PCDH11X: variants seen among roughly 807,000 people sequenced by gnomAD.
The protein encoded by PCDH11X is protocadherin 11 X-linked, also known as protocadherin-11 X-linked.
A neutral mutation model predicts 53.3 loss-of-function variants in PCDH11X; 18 were observed. That is an observed-to-expected ratio of 0.34 (90% CI 0.23 to 0.50). The LOEUF (loss-of-function observed/expected upper bound fraction) is 0.50, where lower values mean the gene tolerates loss of function less well. Among genes scored for constraint, PCDH11X ranks in the 20% least tolerant of loss-of-function variants. PCDH11X has a pLI of 0.98. For synonymous variants in PCDH11X, 279 were observed against 393.3 expected (o/e 0.71, Z 3.44); for missense variants, 570 against 1,032.4 (o/e 0.55, Z 6.14).
At chrX:91,904,674 T>G (rs1941085192) in intron 6 of PCDH11X, among the ~76,000 whole-genome samples, 1 of 111,557 alleles carries the variant, frequency 9.0e-6, no homozygotes, top group African/African-American at 3.3e-5. Context: ...GCTCATTTTT[T>G]ATTTTATTAA....
intron 1 of PCDH11X, among the ~76,000 whole-genome samples, chrX:91,805,622 C>A (rs1418197025): frequency 9.2e-6 from 1 of 108,999 alleles, no homozygotes; most frequent in East Asian, 2.9e-4. Context: ...TCCAGACCAG[C>A]CTGGGGAACA....
chrX:92,056,073 G>A (rs182244956), intron 6 of PCDH11X, among the ~76,000 whole-genome samples: 1,811 of 110,216 alleles, frequency 0.016, 35 homozygotes, highest in African/African-American at 0.056. Flanking sequence ...TTTCTGTGTC[G>A]AATGGTATTT....
At chrX:92,321,897 C>A (rs2069222800) in intron 8 of PCDH11X, among the ~76,000 whole-genome samples, 1 of 107,832 alleles carries the variant, frequency 9.3e-6, no homozygotes, top group Admixed American at 1.0e-4. Flanking sequence ...ATTAATTTCT[C>A]AACCATTATG....
At chrX:91,807,126 G>C (rs1936135976) in intron 1 of PCDH11X, among the ~76,000 whole-genome samples, 1 of 90,439 alleles carries the variant, frequency 1.1e-5, no homozygotes, top group Non-Finnish European at 2.1e-5. Flanking sequence ...GATGGCTTGA[G>C]AATAGGAGTT....
At chrX:91,885,636 T>C (rs906546233) in intron 6 of PCDH11X, among the ~76,000 whole-genome samples, 1 of 110,974 alleles carries the variant, frequency 9.0e-6, no homozygotes, top group Non-Finnish European at 1.9e-5. Flanking sequence ...ATACCTTGTT[T>C]TTCTTCCATT....
chrX:92,333,539 G>A (rs1293304109), intron 8 of PCDH11X, among the ~76,000 whole-genome samples: 1 of 111,674 alleles, frequency 9.0e-6, no homozygotes, highest in Non-Finnish European at 1.9e-5. Flanking sequence ...AAGCCCATGT[G>A]CAGCAACATA....
rs765833707 is a variant in PCDH11X at position 92,274,677 on chromosome X, G to A, written c.3144+11534G>A. ...CCTGAGGAGTAGTAGAATAGCAGATGGAACACTGAGAAGTTATTTCCTTGA... is the reference window on the plus strand; with the variant it reads ...CCTGAGGAGTAGTAGAATAGCAGATAGAACACTGAGAAGTTATTTCCTTGA... On this transcript the variant is annotated intron_variant, in intron 8 of 10. Coordinates refer to ENST00000682573, the MANE Select transcript of PCDH11X (RefSeq NM_032968.5). Among the ~76,000 whole-genome samples the A allele has an allele frequency of 4.4e-3, 485 of 110,459 alleles. 2 individuals carry two copies. Among genetic ancestry groups the A allele is most frequent in the African/African-American group, 0.016 (473 of 30,279 alleles).
chrX:92,024,745 A>G (rs1329532364), intron 6 of PCDH11X, among the ~76,000 whole-genome samples: 4 of 108,487 alleles, frequency 3.7e-5, no homozygotes, highest in Non-Finnish European at 3.8e-5. Context: ...AAACAAAACA[A>G]AAACAAAGCT....
intron 6 of PCDH11X, among the ~76,000 whole-genome samples, chrX:92,018,815 T>C (rs1410130384): frequency 8.9e-6 from 1 of 112,668 alleles, no homozygotes. Context: ...GCCTGTGTTC[T>C]AGGCACACTA....
intron 6 of PCDH11X, among the ~76,000 whole-genome samples, chrX:91,954,771 T>A (rs1186707719): frequency 9.0e-6 from 1 of 111,203 alleles, no homozygotes; most frequent in Non-Finnish European, 1.9e-5. Flanking sequence ...TGGAGAAGTG[T>A]CTGTTAACGT....
chrX:91,896,637 A>G (rs2147777352), intron 6 of PCDH11X, among the ~76,000 whole-genome samples: 1 of 63,138 alleles, frequency 1.6e-5, no homozygotes, highest in East Asian at 4.8e-4. Context: ...ACCAAGGCCC[A>G]GAGAAAGAAC....
intron 6 of PCDH11X, among the ~76,000 whole-genome samples, chrX:92,023,703 G>A (rs1203542695): frequency 2.0e-5 from 2 of 98,215 alleles, no homozygotes; most frequent in Non-Finnish European, 4.1e-5. Flanking sequence ...CCTGGCAGAG[G>A]CACAACAAAA....
At chrX:92,589,260 G>A (rs1924754123) in intron 10 of PCDH11X, among the ~76,000 whole-genome samples, 1 of 111,582 alleles carries the variant, frequency 9.0e-6, no homozygotes, top group Non-Finnish European at 1.9e-5. Flanking sequence ...GTACAAAACT[G>A]ACTAGGAATA....
At chrX:91,816,563 G>T (rs1936458155) in intron 4 of PCDH11X, among the ~76,000 whole-genome samples, 1 of 111,106 alleles carries the variant, frequency 9.0e-6, no homozygotes, top group Admixed American at 9.7e-5. Flanking sequence ...TAAATCGGTG[G>T]TATTCATTAA....
chrX:92,544,122 T>C (rs1274878766), intron 10 of PCDH11X, among the ~76,000 whole-genome samples: 1 of 110,042 alleles, frequency 9.1e-6, no homozygotes, highest in Non-Finnish European at 1.9e-5. Context: ...TTATAGATAA[T>C]TGGAATAAAA....
rs750827625 is a variant in PCDH11X, at chrX:92,457,419, G to A, written c.3344-10880G>A. On this transcript the variant is annotated intron_variant, in intron 9 of 10. Coordinates refer to ENST00000682573, the MANE Select transcript of PCDH11X (RefSeq NM_032968.5). ...AATAAATCAAAGTCTCCAATTCTTT[G>A]AAAATGCCAGCATGGTACTACTGTT... Among the ~76,000 whole-genome samples, 54 of 105,194 alleles carry A rather than the reference G, an allele frequency of 5.1e-4. No homozygotes were observed. In the Admixed American group the frequency reaches 5.4e-3, roughly 10 times the overall value. 91.3% of individuals were successfully genotyped at this position (105,194 alleles called of 115,157 possible). A position where few individuals can be genotyped will look rare whatever the true frequency, so the allele number is the denominator to read the frequency against.
chrX:92,555,103 C>A (rs1348800151), intron 10 of PCDH11X, among the ~76,000 whole-genome samples: 1 of 111,167 alleles, frequency 9.0e-6, no homozygotes, highest in African/African-American at 3.3e-5. Context: ...ACATAGGAAC[C>A]TCATAACTTT....
Position 91,809,288 on chromosome X carries a change from T to A in PCDH11X, c.-378-178T>A, listed in dbSNP as rs190984375. ...TATTTATCAAAAACATTTAAAGAGCTACTTCTTTCATGAACCTCTTCTTAA... is the reference window on the plus strand; with the variant it reads ...TATTTATCAAAAACATTTAAAGAGCAACTTCTTTCATGAACCTCTTCTTAA... On this transcript the variant is annotated intron_variant, in intron 1 of 10. Coordinates refer to ENST00000682573, the MANE Select transcript of PCDH11X (RefSeq NM_032968.5). Among the ~76,000 whole-genome samples, 1,078 of 111,138 alleles carry A rather than the reference T, an allele frequency of 9.7e-3. 5 individuals are homozygous for A. Among genetic ancestry groups the A allele is most frequent in the Middle Eastern group, 0.019 (4 of 213 alleles).
At chrX:92,252,838 C>T (rs1334917290) in intron 7 of PCDH11X, among the ~76,000 whole-genome samples, 1 of 110,559 alleles carries the variant, frequency 9.0e-6, no homozygotes, top group East Asian at 2.9e-4. Flanking sequence ...CTTCCACTTT[C>T]GGTTACCTTC....
Sources: allele counts gnomAD v4.1 joint callset (sites outside exome capture counted in the v4.1 genomes callset), GRCh38; gene constraint gnomAD v4.1.1; transcripts MANE v1.5; gene names NCBI Gene and HGNC (gene_info 2026-07-23, HGNC 2026-07-21).